The following SEMA4C variants were observed in gnomAD, a reference collection of about 807,000 sequenced individuals.
The protein encoded by SEMA4C is semaphorin-4C.
A neutral mutation model predicts 89.0 loss-of-function variants in SEMA4C; 19 were observed. The ratio of observed to expected loss-of-function variants is 0.21; its 90% CI spans 0.15 to 0.31. The LOEUF (loss-of-function observed/expected upper bound fraction) is 0.31. SEMA4C is among the 10% of genes least tolerant of loss of function. SEMA4C has a pLI of 1.00. For missense variants in SEMA4C, 811 were observed against 1,107.0 expected (o/e 0.73, Z 3.79); for synonymous variants, 428 against 472.7 (o/e 0.91, Z 1.23).
rs771712415 is a variant in SEMA4C, at chr2:96,861,075, A to T, written c.2053T>A (p.Ser685Thr). The change falls in exon 15 of 15, where the codon TCA (serine) becomes ACA (threonine). Residue 685 changes from serine (S) to threonine (T), a missense_variant. Around this residue, in one of 4 missense-constraint regions of SEMA4C, gnomAD observed 248 missense variants for 269.0 expected, o/e 0.92. Transcript: ENST00000305476. This position sits in a 1 kb window ranked among gnomAD's most constrained non-coding sequence, Gnocchi z 7.8. ...TCTTCCCGCAGCCGCCGGCGCAATG[A>T]CAGCACCAGCAGCAGCAGCACCAGG... ...VCLVLLLLVL[S>T]LRRRLREELE... 6.2e-7 allele frequency: 1 copy of T among 1,612,678 alleles called. No homozygotes were observed. The highest frequency in any genetic ancestry group is 1.1e-5 in the South Asian group (1 of 91,074).
At position 96,861,494 on chromosome 2, in the gene SEMA4C, G is replaced by C; in HGVS notation, c.1673-39C>G. 2 of 1,610,296 alleles carry C rather than the reference G, an allele frequency of 1.2e-6. No homozygotes were observed. The highest frequency in any genetic ancestry group is 2.2e-5 in the South Asian group (2 of 90,982). ...GAAAACAGAGTGCATGTTAGTGCAGGAAAGCAGGGCTGGGGAAGAGGAGAA... is the reference window on the plus strand; with the variant it reads ...GAAAACAGAGTGCATGTTAGTGCAGCAAAGCAGGGCTGGGGAAGAGGAGAA... On this transcript the variant is annotated intron_variant, in intron 14 of 14. Coordinates refer to ENST00000305476, the MANE Select transcript of SEMA4C (RefSeq NM_017789.5). The surrounding 1 kb of genome is among the most constrained non-coding windows in gnomAD (Gnocchi z 7.8).
chr2:96,859,776 C>A lies in SEMA4C; in HGVS notation c.*850G>T, dbSNP rs562323318. On this transcript the variant is annotated 3_prime_UTR_variant, in exon 15 of 15. Transcript: ENST00000305476. ...CATTTTATTTGTCAATATAAAAATA[C>A]TCAAATATTTACAACAAATAAATAC... The A allele has an allele frequency of 4.6e-5, 7 of 152,332 alleles. No individual in the cohort carries two copies. The South Asian group carries it at 1.2e-3, about 27-fold the overall frequency. 9.4% of individuals were successfully genotyped at this position (152,332 alleles called of 1,614,324 possible).
rs754233789 is a variant in SEMA4C, at chr2:96,865,626, CG to C, written c.420+39del. 7.0e-6 allele frequency: 6 copies of C among 855,918 alleles called. No homozygotes were observed. The African/African-American group carries it at 1.1e-4, about 16-fold the overall frequency. The allele number at this position is 855,918 out of a possible 1,614,324, so 53.0% of individuals were successfully genotyped here. A position where few individuals can be genotyped will look rare whatever the true frequency, so the allele number is the denominator to read the frequency against. On this transcript the variant is annotated intron_variant, in intron 5 of 14. Coordinates refer to ENST00000305476, the MANE Select transcript of SEMA4C (RefSeq NM_017789.5). ...CGAGTCCAGAGAAGGGTGAGGAGGG[CG>C]GGGGGCTGGGGACACCGAGGTAGGA...
upstream of SEMA4C, chr2:96,870,313 A>T: frequency 2.0e-6 from 2 of 985,306 alleles, no homozygotes; most frequent in Non-Finnish European, 2.4e-6. Flanking sequence ...GCTGCGCCAC[A>T]GCGCCTGGAG....
chr2:96,865,791 TGA>T (rs1224260336), intron 4 of SEMA4C, 27 bp from the exon 5 acceptor site: 1 of 1,613,784 alleles, frequency 6.2e-7, no homozygotes, highest in Non-Finnish European at 8.5e-7. Context: ...GTCCGGTTAG[TGA>T]GAGCGCGAGG....
Position 96,867,901 on chromosome 2 carries a change from CT to C in SEMA4C, c.-16del. On this transcript the variant is annotated 5_prime_UTR_variant, in exon 2 of 15. Transcript: ENST00000305476. ...TGTGGGGCCATGGCGCACGCCCCGG[CT>C]CTGAGCTTCAGGCCAGCTGTCCTGC... is the stretch of plus-strand genomic sequence containing the variant. 6.2e-7 allele frequency: 1 copy of C among 1,613,422 alleles called. No individual in the cohort carries two copies. The highest frequency in any genetic ancestry group is 1.7e-5 in the Admixed American group (1 of 60,014).
At position 96,867,922 on chromosome 2, in the gene SEMA4C, T is replaced by C; in HGVS notation, c.-36A>G. 6.2e-7 allele frequency: 1 copy of C among 1,613,070 alleles called. No individual in the cohort carries two copies. Among genetic ancestry groups the C allele is most frequent in the Non-Finnish European group, 8.5e-7 (1 of 1,179,946 alleles). ...CCGGCTCTGAGCTTCAGGCCAGCTGTCCTGCTGAGGGAAAAGACATGGTCA... is the reference window on the plus strand; with the variant it reads ...CCGGCTCTGAGCTTCAGGCCAGCTGCCCTGCTGAGGGAAAAGACATGGTCA... On this transcript the variant is annotated splice_region_variant and 5_prime_UTR_variant, in exon 2 of 15. Transcript: ENST00000305476.
At position 96,864,026 on chromosome 2, in the gene SEMA4C, G is replaced by C. The variant is rs1423378050; in HGVS notation, c.1230C>G (p.Arg410=). The C allele has an allele frequency of 6.2e-7, 1 of 1,613,224 alleles. No homozygotes were observed. The highest frequency in any genetic ancestry group is 8.5e-7 in the Non-Finnish European group (1 of 1,180,000). Residue 410 remains arginine, a synonymous_variant, in exon 11 of 15, where the codon CGC becomes CGG. Coordinates refer to ENST00000305476, the MANE Select transcript of SEMA4C (RefSeq NM_017789.5). This position sits in a 1 kb window ranked among gnomAD's most constrained non-coding sequence, Gnocchi z 6.3. Reference sequence around the variant, plus strand: ...TGGTGCCCTTCTTCACGAGCAGGGGGCGGCTCCACCGAGGCCCCACCTGCT... The same window carrying C: ...TGGTGCCCTTCTTCACGAGCAGGGGCCGGCTCCACCGAGGCCCCACCTGCT... The part of the protein sequence containing the change: ...MEEQVGPRWS[R]PLLVKKGTNF...
Position 96,867,845 on chromosome 2 carries a change from C to A in SEMA4C, c.42G>T (p.Leu14=), listed in dbSNP as rs1335870386. 7 of 1,613,568 alleles carry A rather than the reference C, an allele frequency of 4.3e-6. No homozygotes were observed. The Admixed American group carries it at 8.3e-5, about 19-fold the overall frequency. ...CCTCAGCCCCAATGCCCAGGCCCCA[C>A]AGCCTTGCTGCCAGCAGCCAGACAG... ...HWAVWLLAAR[L]WGLGIGAEVW... is the part of the protein sequence containing the mutation. Residue 14 remains leucine, a synonymous_variant, in exon 2 of 15, where the codon CTG becomes CTT. Transcript: ENST00000305476.
At chr2:96,869,232 G>GGCAGCGGTGCTCCCACCC in intron 1 of SEMA4C, 1 of 985,394 alleles carries the variant, frequency 1.0e-6, no homozygotes, top group Non-Finnish European at 1.2e-6. Flanking sequence ...GGATCCGCCC[G>GGCAGCGGTGCTCCCACCC]GCAGCGGTGC....
At position 96,860,168 on chromosome 2, in the gene SEMA4C, GGA is replaced by G; in HGVS notation, c.*456_*457del. 6.0e-6 allele frequency: 1 copy of G among 167,836 alleles called. No individual in the cohort carries two copies. The highest frequency in any genetic ancestry group is 1.3e-5 in the Non-Finnish European group (1 of 78,726). The allele number at this position is 167,836 out of a possible 1,614,324, so 10.4% of individuals were successfully genotyped here. A position where few individuals can be genotyped will look rare whatever the true frequency, so the allele number is the denominator to read the frequency against. ...CCCGACACTCGGGGCAGTGGGGGTAGGAGAGACAAAGTGATACGACCCCTTCC... is the reference window on the plus strand; with the variant it reads ...CCCGACACTCGGGGCAGTGGGGGTAGGAGACAAAGTGATACGACCCCTTCC... On this transcript the variant is annotated 3_prime_UTR_variant, in exon 15 of 15. Transcript: ENST00000305476.
chr2:96,859,993 C>A lies in SEMA4C; in HGVS notation c.*633G>T, dbSNP rs1252853702. 8.6e-5 allele frequency: 12 copies of A among 139,878 alleles called. No homozygotes were observed. Among genetic ancestry groups the A allele is most frequent in the African/African-American group, 3.0e-4 (11 of 37,190 alleles). The allele number at this position is 139,878 out of a possible 1,614,324, so 8.7% of individuals were successfully genotyped here. On this transcript the variant is annotated 3_prime_UTR_variant, in exon 15 of 15. Transcript: ENST00000305476. ...CAAGTGGGAGGCCCCACCCACCCTT[C>A]CCCCCAAACACACAGGAGGCTCCAT...
rs747623618 is a variant in SEMA4C, at chr2:96,863,714, G to C, written c.1411C>G (p.Pro471Ala). 21 of 1,614,060 alleles carry C rather than the reference G, an allele frequency of 1.3e-5. No individual in the cohort carries two copies. Among genetic ancestry groups the C allele is most frequent in the Admixed American group, 1.7e-5 (1 of 60,032 alleles). ...TGAGATAGCACCAGGCTTCTCATGG[G>C]CTCCTGGTCAAACAGCTGCAGCTCC... ...IEELQLFDQE[P>A]MRSLVLSQSK... The change falls in exon 12 of 15, where the codon CCC becomes GCC. Residue 471 changes from proline (P) to alanine (A), a missense_variant. Around this residue, in one of 4 missense-constraint regions of SEMA4C, gnomAD observed 441 missense variants for 664.9 expected, o/e 0.66. Transcript: ENST00000305476.
At chr2:96,869,472 G>T (rs1189872902) in intron 1 of SEMA4C, 1 of 985,048 alleles carries the variant, frequency 1.0e-6, no homozygotes, top group Non-Finnish European at 1.2e-6. Context: ...CGGAATGGGC[G>T]GGCGGGCGGG....
chr2:96,864,733 T>C lies in SEMA4C; in HGVS notation c.934A>G (p.Thr312Ala). ...TLQDTSWHNT[T>A]FFGVFQAQWG... ...TGTGCTTGAAAAACCCCAAAGAAGG[T>C]GGTGTTGTGCCAGGAGGTGTCCTGC... Residue 312 changes from threonine to alanine, a missense_variant, in exon 9 of 15, where the codon ACC becomes GCC. This residue lies in a region of SEMA4C where 441 missense variants were observed against 664.9 expected (regional missense o/e 0.66). Transcript: ENST00000305476. This position sits in a 1 kb window ranked among gnomAD's most constrained non-coding sequence, Gnocchi z 6.3. The C allele has an allele frequency of 6.2e-7, 1 of 1,611,560 alleles. No individual in the cohort carries two copies. The highest frequency in any genetic ancestry group is 8.5e-7 in the Non-Finnish European group (1 of 1,178,398).
Position 96,864,241 on chromosome 2 carries a change from G to C in SEMA4C, c.1104C>G (p.Gly368=). ...GCATCCCTGCCCTAGCACTCACCGA[G>C]CCAGGCCGAGGGCTGGGTACAGGGT... is the stretch of plus-strand genomic sequence containing the variant. The part of the protein sequence containing the change: ...YTDPVPSPRP[G]SCINNWHRRH... The change falls in exon 10 of 15, where the codon GGC becomes GGG. Residue 368 remains glycine, a synonymous_variant. Coordinates refer to ENST00000305476, the MANE Select transcript of SEMA4C (RefSeq NM_017789.5). The surrounding 1 kb of genome is among the most constrained non-coding windows in gnomAD (Gnocchi z 6.3). 1 of 1,613,928 alleles carries C rather than the reference G, an allele frequency of 6.2e-7. No individual in the cohort carries two copies. Among genetic ancestry groups the C allele is most frequent in the South Asian group, 1.1e-5 (1 of 91,088 alleles).
At position 96,860,387 on chromosome 2, in the gene SEMA4C, C is replaced by T. The variant is rs533332637; in HGVS notation, c.*239G>A. ...AAAAGTTTTGGCGGCTGGGGTCCCG[C>T]GTGTCTGTGATTCACAGAGAGGAGG... On this transcript the variant is annotated 3_prime_UTR_variant, in exon 15 of 15. Coordinates refer to ENST00000305476, the MANE Select transcript of SEMA4C (RefSeq NM_017789.5). 4 of 514,416 alleles carry T rather than the reference C, an allele frequency of 7.8e-6. No homozygotes were observed. The highest frequency in any genetic ancestry group is 1.9e-5 in the African/African-American group (1 of 52,074). The allele number at this position is 514,416 out of a possible 1,614,324, so 31.9% of individuals were successfully genotyped here.
upstream of SEMA4C, chr2:96,870,613 T>G (rs2080179517): frequency 1.9e-5 from 19 of 985,480 alleles, no homozygotes; most frequent in Non-Finnish European, 2.2e-5. Context: ...CCCTCAAGTC[T>G]GGAAAGGGCT....
At position 96,861,720 on chromosome 2, in the gene SEMA4C, T is replaced by C. The variant is rs1019844465; in HGVS notation, c.1601+17A>G. ...CTGAGTCCCTGGAGGTCCTGGCCTA[T>C]GTAGAGCCCAACTCACCCAGAGTGG... On this transcript the variant is annotated intron_variant, in intron 13 of 14. Coordinates refer to ENST00000305476, the MANE Select transcript of SEMA4C (RefSeq NM_017789.5). This position sits in a 1 kb window ranked among gnomAD's most constrained non-coding sequence, Gnocchi z 7.8. 4 of 1,612,754 alleles carry C rather than the reference T, an allele frequency of 2.5e-6. No homozygotes were observed. Among genetic ancestry groups the C allele is most frequent in the East Asian group, 2.2e-5 (1 of 44,826 alleles).
Sources: gnomAD v4.1 joint callset for allele counts on GRCh38, gnomAD v4.1.1 for gene constraint, gnomAD v4.1.1 regional missense constraint, Gnocchi (gnomAD v3.1) non-coding constraint, MANE v1.5 for transcripts, NCBI Gene and HGNC (gene_info 2026-07-23, HGNC 2026-07-21) for gene names.